The following CTNNA3 variants were observed in gnomAD, a reference collection of about 807,000 sequenced individuals.
CTNNA3 encodes catenin alpha 3.
CTNNA3 carries 76 observed loss-of-function variants against 95.7 expected under a neutral mutation model. That is an observed-to-expected ratio of 0.79 (90% CI 0.66 to 0.96). The LOEUF (loss-of-function observed/expected upper bound fraction) is 0.96. Ranked by LOEUF, CTNNA3 falls within the 40% of genes least tolerant of loss-of-function variation. The pLI is 0.00. For missense variants in CTNNA3, 1,191 were observed against 1,089.8 expected (o/e 1.09, Z -1.31); for synonymous variants, 431 against 374.4 (o/e 1.15, Z -1.74).
intron 7 of CTNNA3, among the ~76,000 whole-genome samples, chr10:67,000,669 A>G (rs1851627817): frequency 6.6e-6 from 1 of 152,140 alleles, no homozygotes; most frequent in Admixed American, 6.5e-5. Context: ...ATTCAATTAA[A>G]CTGAATTAGA....
At chr10:66,385,800 T>C (rs868410644) in intron 11 of CTNNA3, among the ~76,000 whole-genome samples, 29 of 152,176 alleles carry the variant, frequency 1.9e-4, no homozygotes, top group African/African-American at 7.0e-4. Flanking sequence ...TGCAAATCAG[T>C]AAACATAATC....
intron 5 of CTNNA3, among the ~76,000 whole-genome samples, chr10:67,512,743 T>C (rs955242946): frequency 4.0e-5 from 6 of 151,122 alleles, no homozygotes; most frequent in African/African-American, 1.5e-4. Context: ...TTCCAGCACT[T>C]TGGGAGGCCG....
intron 5 of CTNNA3, among the ~76,000 whole-genome samples, chr10:67,372,827 T>C (rs1843531198): frequency 6.6e-6 from 1 of 152,204 alleles, no homozygotes; most frequent in Non-Finnish European, 1.5e-5. Context: ...ATATTCAACA[T>C]TCTTAAAGAA....
intron 2 of CTNNA3, among the ~76,000 whole-genome samples, chr10:67,617,877 C>T (rs7907763): frequency 0.2 from 29,261 of 149,880 alleles, 6,044 homozygotes; most frequent in African/African-American, 0.5. Flanking sequence ...TGAGCTTTTT[C>T]TCATATGCTT....
intron 13 of CTNNA3, among the ~76,000 whole-genome samples, chr10:66,265,705 TACTA>T (rs1208682497): frequency 3.9e-5 from 6 of 152,022 alleles, no homozygotes; most frequent in Non-Finnish European, 5.9e-5. Context: ...CTCTTATCCT[TACTA>T]ACTAACTAAA....
At chr10:66,873,360 T>C (rs1844487185) in intron 7 of CTNNA3, among the ~76,000 whole-genome samples, 1 of 140,688 alleles carries the variant, frequency 7.1e-6, no homozygotes. Flanking sequence ...ATCTGGTTTT[T>C]TTGTTTGTTT....
chr10:66,744,162 G>A (rs571229247), intron 9 of CTNNA3, among the ~76,000 whole-genome samples: 3 of 151,990 alleles, frequency 2.0e-5, no homozygotes, highest in Non-Finnish European at 4.4e-5. Context: ...GCTGAAAAAG[G>A]AAACTTTGGA....
intron 1 of CTNNA3, among the ~76,000 whole-genome samples, chr10:67,684,522 C>G (rs950697660): frequency 6.6e-6 from 1 of 152,184 alleles, no homozygotes; most frequent in African/African-American, 2.4e-5. Context: ...CTCAATCCCC[C>G]CTCTAAACAG....
At chr10:67,230,865 G>C (rs1459544528) in intron 5 of CTNNA3, among the ~76,000 whole-genome samples, 1 of 152,230 alleles carries the variant, frequency 6.6e-6, no homozygotes, top group African/African-American at 2.4e-5. Flanking sequence ...CACTCGGGAA[G>C]CGCAGGGGGT....
chr10:66,700,671 T>C (rs1190348860), intron 9 of CTNNA3, among the ~76,000 whole-genome samples: 5 of 152,186 alleles, frequency 3.3e-5, no homozygotes, highest in African/African-American at 1.2e-4. Flanking sequence ...AAAATGCTAT[T>C]TAAGTATGTC....
chr10:66,005,530 G>T (rs889686785), intron 15 of CTNNA3, among the ~76,000 whole-genome samples: 6 of 151,986 alleles, frequency 3.9e-5, no homozygotes, highest in Non-Finnish European at 7.4e-5. Context: ...CATATCGAAG[G>T]TGGGTGGCCT....
At chr10:67,362,794 T>C (rs1306635277) in intron 5 of CTNNA3, among the ~76,000 whole-genome samples, 2 of 58,422 alleles carry the variant, frequency 3.4e-5, no homozygotes, top group African/African-American at 6.1e-5. Flanking sequence ...GGCATTCAAA[T>C]AGAAAAAAAA....
intron 12 of CTNNA3, among the ~76,000 whole-genome samples, chr10:66,317,579 A>G (rs1433807329): frequency 6.6e-6 from 1 of 151,974 alleles, no homozygotes. Context: ...AGGCTGAGGC[A>G]GGAGAATTAT....
At position 65,914,584 on chromosome 10, in the gene CTNNA3, T is replaced by C. The variant is rs2076984111; in HGVS notation, c.*5746A>G. 6.6e-6 allele frequency: 1 copy of C among 152,168 alleles called. No individual in the cohort carries two copies. The highest frequency in any genetic ancestry group is 2.1e-4 in the South Asian group (1 of 4,832). The allele number at this position is 152,168 out of a possible 1,614,324, so 9.4% of individuals were successfully genotyped here. A position where few individuals can be genotyped will look rare whatever the true frequency, so the allele number is the denominator to read the frequency against. ...AAATTTCAAATACAGGGAAACTTTA[T>C]CCTACTACAATAATCCTTGGCCAAC... is the stretch of plus-strand genomic sequence containing the variant. On this transcript the variant is annotated 3_prime_UTR_variant, in exon 18 of 18. Transcript: ENST00000433211.
chr10:65,926,593 C>T (rs1394300635), intron 17 of CTNNA3, among the ~76,000 whole-genome samples: 1 of 151,766 alleles, frequency 6.6e-6, no homozygotes, highest in Non-Finnish European at 1.5e-5. Flanking sequence ...TCTCCTGCCT[C>T]AGCCTACCAA....
At chr10:66,247,597 A>G (rs1459029991) in intron 13 of CTNNA3, among the ~76,000 whole-genome samples, 1 of 152,240 alleles carries the variant, frequency 6.6e-6, no homozygotes, top group Non-Finnish European at 1.5e-5. Flanking sequence ...AAATGCAGCA[A>G]GAGAAAAGAA....
At chr10:67,291,449 C>G (rs1682623408) in intron 5 of CTNNA3, among the ~76,000 whole-genome samples, 1 of 152,164 alleles carries the variant, frequency 6.6e-6, no homozygotes, top group Non-Finnish European at 1.5e-5. Context: ...TCACCCACCT[C>G]TTTACAAAGC....
intron 11 of CTNNA3, among the ~76,000 whole-genome samples, chr10:66,461,553 A>G (rs963594295): frequency 9.9e-5 from 15 of 151,882 alleles, no homozygotes; most frequent in African/African-American, 3.4e-4. Flanking sequence ...GTAGTGCGTC[A>G]ATAAGACTCT....
At chr10:67,728,390 TTA>T (rs939755283) in intron 1 of CTNNA3, among the ~76,000 whole-genome samples, 2 of 147,070 alleles carry the variant, frequency 1.4e-5, no homozygotes, top group African/African-American at 2.5e-5. Context: ...GAGGTGGAGG[TTA>T]TATATATATA....
Sources: gnomAD v4.1 joint callset for allele counts (sites outside exome capture counted in the v4.1 genomes callset) on GRCh38, gnomAD v4.1.1 for gene constraint, MANE v1.5 for transcripts, NCBI Gene and HGNC (gene_info 2026-07-23, HGNC 2026-07-21) for gene names.